Variants in SCFD1 observed in about 807,000 individuals in gnomAD.
SCFD1 encodes the protein sec1 family domain containing 1.
Under a neutral mutation model 103.2 loss-of-function variants are expected in SCFD1, and 37 were observed. That is an observed-to-expected ratio of 0.36 (90% CI 0.28 to 0.47). The LOEUF (loss-of-function observed/expected upper bound fraction) is 0.47. Ranked by LOEUF, SCFD1 falls within the 20% of genes least tolerant of loss-of-function variation. The pLI is 1.00. For synonymous variants in SCFD1, 264 were observed against 245.0 expected, an observed-to-expected ratio of 1.08 and a Z score of -0.73; for missense variants, 639 against 761.2, an observed-to-expected ratio of 0.84 and a Z score of 1.89.
intron 8 of SCFD1, 73 bp from the exon 9 acceptor site, chr14:30,650,489 TAAA>T (rs1430328541): frequency 1.0e-5 from 9 of 866,912 alleles, no homozygotes; most frequent in Non-Finnish European, 1.7e-5. Flanking sequence ...GTTATGAAAC[TAAA>T]AACACATTTT....
chr14:30,648,540 G>A (rs229205), intron 7 of SCFD1, among the ~76,000 whole-genome samples: 74,906 of 151,904 alleles, frequency 0.49, 21,463 homozygotes, highest in African/African-American at 0.79. Context: ...CCAAACTGCT[G>A]AATTAGCTAA....
At position 30,675,076 on chromosome 14, in the gene SCFD1, CT is replaced by C. The variant is rs748555421; in HGVS notation, c.1242+16del. 70 of 1,458,306 alleles carry C rather than the reference CT, an allele frequency of 4.8e-5. No individual in the cohort carries two copies. Among genetic ancestry groups the C allele is most frequent in the East Asian group, 2.6e-4 (11 of 41,986 alleles). The allele number at this position is 1,458,306 out of a possible 1,614,324, so 90.3% of individuals were successfully genotyped here. On this transcript the variant is annotated intron_variant, in intron 14 of 24. Transcript: ENST00000458591. ...TTAGAACATATAAAGGTAAATTTAA[CT>C]TTTTCCCCCCCACAATATGACTTGC...
At chr14:30,637,603 T>A (rs1884856976) in intron 4 of SCFD1, among the ~76,000 whole-genome samples, 1 of 152,148 alleles carries the variant, frequency 6.6e-6, no homozygotes, top group Admixed American at 6.5e-5. Context: ...TATTTCGATA[T>A]CTATTTGCTA....
intron 17 of SCFD1, among the ~76,000 whole-genome samples, chr14:30,704,136 A>G (rs1891305842): frequency 6.6e-6 from 1 of 151,710 alleles, no homozygotes; most frequent in South Asian, 2.1e-4. Context: ...TCTGCACTAC[A>G]AGTAAACATT....
At position 30,675,041 on chromosome 14, in the gene SCFD1, C is replaced by T. The variant is rs1888909146; in HGVS notation, c.1218C>T (p.Ala406=). The change falls in exon 14 of 25, where the codon GCC becomes GCT. Residue 406 remains alanine (A), a synonymous_variant. Transcript: ENST00000458591. ...TTATTGATCTCCATACAAATGTTGC[C>T]ACTGCTGTTTTAGAACATATAAAGG... ...KRLIDLHTNV[A]TAVLEHIKAR... The T allele has an allele frequency of 1.9e-6, 3 of 1,587,476 alleles. No individual in the cohort carries two copies. Among genetic ancestry groups the T allele is most frequent in the African/African-American group, 2.7e-5 (2 of 73,720 alleles).
At chr14:30,725,934 A>C (rs1170259263) in intron 23 of SCFD1, among the ~76,000 whole-genome samples, 1 of 152,196 alleles carries the variant, frequency 6.6e-6, no homozygotes, top group East Asian at 1.9e-4. Flanking sequence ...TGACTCTAGC[A>C]CAGGACTATA....
At chr14:30,653,725 G>A (rs1886621804) in intron 10 of SCFD1, 137 bp downstream of exon 10, 1 of 566,656 alleles carries the variant, frequency 1.8e-6, no homozygotes, top group Non-Finnish European at 3.1e-6. Flanking sequence ...ACAAGTGATG[G>A]GATTTGGTAT....
chr14:30,716,097 A>C, intron 20 of SCFD1, 120 bp downstream of exon 20: 1 of 686,984 alleles, frequency 1.5e-6, no homozygotes. Context: ...TACATGAGGA[A>C]AAGGAAGAGT....
At chr14:30,728,851 T>C (rs368252912) in intron 23 of SCFD1, among the ~76,000 whole-genome samples, 7 of 141,456 alleles carry the variant, frequency 4.9e-5, no homozygotes, top group African/African-American at 1.1e-4. Context: ...TTTTTTTTTT[T>C]TTTTTCCCCC....
At position 30,675,000 on chromosome 14, in the gene SCFD1, CT is replaced by C. The variant is rs1888905977; in HGVS notation, c.1179del (p.Glu394ArgfsTer17). 1 of 1,579,998 alleles carries C rather than the reference CT, an allele frequency of 6.3e-7. No individual in the cohort carries two copies. Among genetic ancestry groups the C allele is most frequent in the African/African-American group, 1.4e-5 (1 of 73,164 alleles). The part of the protein sequence containing the change: ...TSAVSSLPEL[L>X]EKKRLIDLHT... Reference sequence around the variant, plus strand: ...TACTTGCAGTTCTTTGCCAGAACTCCTTGAGAAAAAAAGACTTATTGATCTC... The same window carrying C: ...TACTTGCAGTTCTTTGCCAGAACTCCTGAGAAAAAAAGACTTATTGATCTC... On this transcript the variant is annotated frameshift_variant, in exon 14 of 25. Transcript: ENST00000458591. LOFTEE classifies it high-confidence loss of function.
intron 17 of SCFD1, among the ~76,000 whole-genome samples, chr14:30,703,941 ATATATATATATATATATATAT>A (rs2139348865): frequency 3.3e-5 from 2 of 59,898 alleles, no homozygotes; most frequent in South Asian, 5.1e-4. Context: ...ATATATATAT[ATATATATATATATATATATAT>A]AAATAATGAG....
At position 30,650,860 on chromosome 14, in the gene SCFD1, TATC is replaced by T. The variant is rs570110365; in HGVS notation, c.755+214_755+216del. ...TTTTGGTAAAAATTTCTAAGCATTT[TATC>T]ATCTATAAGAAAAATTTTTCTGTGT... On this transcript the variant is annotated intron_variant, in intron 9 of 24. Coordinates refer to ENST00000458591, the MANE Select transcript of SCFD1 (RefSeq NM_016106.4). Among the ~76,000 whole-genome samples, 24 of 152,272 alleles carry T rather than the reference TATC, an allele frequency of 1.6e-4. No homozygotes were observed. In the South Asian group the frequency reaches 5.0e-3, roughly 32 times the overall value.
intron 17 of SCFD1, among the ~76,000 whole-genome samples, chr14:30,703,934 T>C (rs1220631052): frequency 3.0e-5 from 2 of 66,684 alleles, no homozygotes; most frequent in South Asian, 4.2e-4. Context: ...TATATATATA[T>C]ATATATATAT....
intron 14 of SCFD1, among the ~76,000 whole-genome samples, chr14:30,677,384 C>T (rs901721576): frequency 2.6e-5 from 4 of 152,024 alleles, no homozygotes; most frequent in Non-Finnish European, 4.4e-5. Context: ...ATCATAAGAT[C>T]TGATTTAAAC....
intron 6 of SCFD1, among the ~76,000 whole-genome samples, chr14:30,641,099 A>AG (rs141931669): frequency 0.024 from 3,654 of 152,302 alleles, 169 homozygotes; most frequent in African/African-American, 0.084. Context: ...AGGAAATGGT[A>AG]GAGCCAGCTT....
chr14:30,702,480 G>C (rs1244590832), intron 17 of SCFD1, 105 bp downstream of exon 17: 1 of 636,180 alleles, frequency 1.6e-6, no homozygotes, highest in East Asian at 2.9e-5. Context: ...ACAATGCCTT[G>C]GTGGTTTTAT....
intron 22 of SCFD1, 107 bp from the exon 23 acceptor site, chr14:30,722,387 C>T (rs1397924487): frequency 1.4e-6 from 1 of 699,486 alleles, no homozygotes; most frequent in Non-Finnish European, 2.3e-6. Context: ...AAAATAGCAT[C>T]AGGGGCTTAG....
chr14:30,642,812 G>T (rs1221791899), intron 6 of SCFD1, among the ~76,000 whole-genome samples: 1 of 152,102 alleles, frequency 6.6e-6, no homozygotes, highest in Non-Finnish European at 1.5e-5. Flanking sequence ...AAGGTAGTTT[G>T]TTGTGGTTAT....
intron 10 of SCFD1, among the ~76,000 whole-genome samples, chr14:30,669,362 G>C (rs951631589): frequency 6.6e-6 from 1 of 151,930 alleles, no homozygotes; most frequent in Admixed American, 6.6e-5. Context: ...TCATTTACTT[G>C]TTGATAGTCA....
Sources: allele counts gnomAD v4.1 joint callset (sites outside exome capture counted in the v4.1 genomes callset), GRCh38; gene constraint gnomAD v4.1.1; transcripts MANE v1.5; gene names NCBI Gene and HGNC (gene_info 2026-07-23, HGNC 2026-07-21).